The following STXBP5L variants were observed in gnomAD, a reference collection of about 807,000 sequenced individuals.
The protein encoded by STXBP5L is syntaxin binding protein 5L.
STXBP5L carries 65 observed loss-of-function variants against 144.5 expected under a neutral mutation model. That is an observed-to-expected ratio of 0.45 (90% CI 0.37 to 0.55). STXBP5L has a LOEUF of 0.55. STXBP5L is among the 20% of genes least tolerant of loss of function. STXBP5L has a pLI of 0.00. For synonymous variants in STXBP5L, 505 were observed against 469.6 expected (o/e 1.08, Z -0.97); for missense variants, 1,298 against 1,405.5 (o/e 0.92, Z 1.22).
intron 10 of STXBP5L, among the ~76,000 whole-genome samples, chr3:121,217,341 G>A (rs982059335): frequency 2.0e-5 from 3 of 152,152 alleles, no homozygotes; most frequent in African/African-American, 7.2e-5. Flanking sequence ...CCTTGTCTGC[G>A]GGTTGCGAAG....
At chr3:121,326,988 T>C (rs1379178046) in intron 20 of STXBP5L, among the ~76,000 whole-genome samples, 1 of 152,124 alleles carries the variant, frequency 6.6e-6, no homozygotes, top group African/African-American at 2.4e-5. Flanking sequence ...TTGTGATATC[T>C]CCCATTAAAG....
At chr3:120,964,750 G>A (rs1172016130) in intron 3 of STXBP5L, among the ~76,000 whole-genome samples, 1 of 152,170 alleles carries the variant, frequency 6.6e-6, no homozygotes, top group Non-Finnish European at 1.5e-5. Flanking sequence ...ATATTCTGTT[G>A]ATTTGGGGTG....
chr3:121,180,325 AT>A (rs1465532184), intron 9 of STXBP5L, among the ~76,000 whole-genome samples: 3 of 152,332 alleles, frequency 2.0e-5, no homozygotes, highest in African/African-American at 7.2e-5. Flanking sequence ...AGAATTTGGT[AT>A]CCAGCAAAAC....
At chr3:121,140,934 T>A (rs1423275635) in intron 7 of STXBP5L, among the ~76,000 whole-genome samples, 2 of 152,202 alleles carry the variant, frequency 1.3e-5, no homozygotes, top group Non-Finnish European at 2.9e-5. Context: ...GGAATGCTTT[T>A]AACTATAATA....
intron 20 of STXBP5L, among the ~76,000 whole-genome samples, chr3:121,367,588 G>A (rs570514548): frequency 4.2e-4 from 53 of 125,362 alleles, no homozygotes; most frequent in African/African-American, 1.2e-3. Context: ...CTTTGTCTTC[G>A]ACTCTTGTTT....
At chr3:120,948,328 G>A (rs1045012602) in intron 2 of STXBP5L, among the ~76,000 whole-genome samples, 5 of 151,330 alleles carry the variant, frequency 3.3e-5, no homozygotes, top group African/African-American at 1.2e-4. Flanking sequence ...GAATTTTAAG[G>A]GTTCTTTATA....
At chr3:121,146,451 C>G (rs1338355259) in intron 7 of STXBP5L, among the ~76,000 whole-genome samples, 1 of 151,948 alleles carries the variant, frequency 6.6e-6, no homozygotes, top group African/African-American at 2.4e-5. Context: ...AGGGAGGACA[C>G]ATTAACAAAT....
chr3:120,982,098 A>G (rs982487846), intron 3 of STXBP5L, among the ~76,000 whole-genome samples: 3 of 152,178 alleles, frequency 2.0e-5, no homozygotes, highest in East Asian at 3.8e-4. Flanking sequence ...GACTTCCATT[A>G]TCAGGTTTTG....
rs76495647 is a variant in STXBP5L, at chr3:121,142,370, A to G, written c.670-10107A>G. Among the ~76,000 whole-genome samples the G allele has an allele frequency of 5.9e-3, 904 of 152,176 alleles. 8 individuals carry two copies. Among genetic ancestry groups the G allele is most frequent in the African/African-American group, 0.02 (833 of 41,572 alleles). On this transcript the variant is annotated intron_variant, in intron 7 of 26. Transcript: ENST00000471454. ...AGATTATCCAGATATATTAAAAGGA[A>G]TCAGCGGGCTTCAATAACACTATAG...
chr3:120,944,298 G>T (rs1385151163), intron 2 of STXBP5L, among the ~76,000 whole-genome samples: 2 of 151,570 alleles, frequency 1.3e-5, no homozygotes, highest in African/African-American at 4.8e-5. Flanking sequence ...TTGCATCTGG[G>T]AAGTAGGAAA....
rs1331497754 is a variant in STXBP5L at position 120,984,792 on chromosome 3, C to CTG, written c.287+29758_287+29759dup. On this transcript the variant is annotated intron_variant, in intron 3 of 26. Coordinates refer to ENST00000471454, the MANE Select transcript of STXBP5L (RefSeq NM_001308330.2). ...CACTGAGTATGATGTATGATGTATG[C>CTG]TGTGGGTTATTCACATATAGCCTTT... Among the ~76,000 whole-genome samples, 6 of 151,974 alleles carry CTG rather than the reference C, an allele frequency of 3.9e-5. No homozygotes were observed. The East Asian group carries it at 5.8e-4, about 15-fold the overall frequency.
chr3:121,282,279 G>A (rs748075569), intron 19 of STXBP5L: 2 of 1,611,926 alleles, frequency 1.2e-6, no homozygotes, highest in Non-Finnish European at 8.5e-7. Context: ...ACTTTTGCAT[G>A]CGTGGCCTGT....
chr3:121,126,320 C>T (rs1013452717), intron 7 of STXBP5L, among the ~76,000 whole-genome samples: 2 of 152,114 alleles, frequency 1.3e-5, no homozygotes, highest in African/African-American at 4.8e-5. Context: ...TAAAGCTGAG[C>T]AGTTGGGATG....
chr3:121,363,324 C>G (rs2045769015), intron 20 of STXBP5L, among the ~76,000 whole-genome samples: 1 of 152,118 alleles, frequency 6.6e-6, no homozygotes, highest in African/African-American at 2.4e-5. Context: ...CTAGGACTCA[C>G]CTAAGAGTTG....
chr3:121,405,499 A>G (rs1361330155), intron 22 of STXBP5L, among the ~76,000 whole-genome samples: 1 of 152,136 alleles, frequency 6.6e-6, no homozygotes, highest in Non-Finnish European at 1.5e-5. Flanking sequence ...TACTGTATGT[A>G]TTGATTGAAT....
chr3:121,314,401 G>A (rs1182458209), intron 19 of STXBP5L, among the ~76,000 whole-genome samples: 54 of 129,462 alleles, frequency 4.2e-4, no homozygotes, highest in Middle Eastern at 3.3e-3. Context: ...AGACCAGCCC[G>A]GCCAACACAG....
At chr3:121,103,539 G>C (rs1331506803) in intron 5 of STXBP5L, among the ~76,000 whole-genome samples, 1 of 151,994 alleles carries the variant, frequency 6.6e-6, no homozygotes, top group Non-Finnish European at 1.5e-5. Context: ...ACTACTAGGG[G>C]GCAAGAGTTA....
chr3:121,153,798 A>G (rs2046018277), intron 8 of STXBP5L, among the ~76,000 whole-genome samples: 1 of 151,956 alleles, frequency 6.6e-6, no homozygotes, highest in South Asian at 2.1e-4. Context: ...AAGTAATATC[A>G]TGCAGTTATG....
intron 3 of STXBP5L, among the ~76,000 whole-genome samples, chr3:120,957,487 A>G (rs1938166478): frequency 6.6e-5 from 10 of 151,938 alleles, no homozygotes; most frequent in Admixed American, 6.6e-4. Context: ...TTTATCGAGG[A>G]TATTGGCTTG....
Sources: allele counts gnomAD v4.1 joint callset (sites outside exome capture counted in the v4.1 genomes callset), GRCh38; gene constraint gnomAD v4.1.1; transcripts MANE v1.5; gene names NCBI Gene and HGNC (gene_info 2026-07-23, HGNC 2026-07-21).